The following CTCFL variants were observed in gnomAD, a reference collection of about 807,000 sequenced individuals.
CTCFL encodes the protein transcriptional repressor CTCFL.
A neutral mutation model predicts 67.4 loss-of-function variants in CTCFL; 36 were observed. That is an observed-to-expected ratio of 0.53 (90% confidence interval 0.41 to 0.71). The LOEUF is 0.71. Ranked by LOEUF, CTCFL falls within the 30% of genes least tolerant of loss-of-function variation. The pLI is 0.00. For missense variants in CTCFL, 786 were observed against 835.2 expected, an observed-to-expected ratio of 0.94 and a Z score of 0.73; for synonymous variants, 324 against 302.3, an observed-to-expected ratio of 1.07 and a Z score of -0.75.
chr20:57,515,412 T>C, intron 6 of CTCFL: 1 of 338,778 alleles, frequency 3.0e-6, no homozygotes, highest in Non-Finnish European at 5.6e-6. Flanking sequence ...CCCAAAGTGC[T>C]GGGATTACAG....
intron 8 of CTCFL, among the ~76,000 whole-genome samples, chr20:57,510,591 C>T (rs1042658088): frequency 2.0e-5 from 3 of 152,174 alleles, no homozygotes; most frequent in South Asian, 2.1e-4. Context: ...GGGCCAGGCG[C>T]GGTGGCTCAC....
intron 10 of CTCFL, chr20:57,499,849 G>A (rs1346153322): frequency 2.5e-5 from 12 of 473,680 alleles, no homozygotes; most frequent in African/African-American, 1.7e-4. Flanking sequence ...GCGGTGATGC[G>A]CCCGATGGGG....
chr20:57,496,263 C>G (rs1031642176), downstream of CTCFL: 2 of 686,616 alleles, frequency 2.9e-6, no homozygotes, highest in East Asian at 2.7e-5. Context: ...CCATGTGACG[C>G]GCCTACTCCC....
intron 1 of CTCFL, chr20:57,524,508 G>C (rs2069699567): frequency 8.4e-7 from 1 of 1,192,274 alleles, no homozygotes; most frequent in Non-Finnish European, 1.0e-6. Flanking sequence ...GCAAGGTTCC[G>C]CCTGAGCACA....
intron 10 of CTCFL, among the ~76,000 whole-genome samples, chr20:57,501,828 TCA>T (rs1422476874): frequency 1.3e-5 from 2 of 152,080 alleles, no homozygotes; most frequent in Non-Finnish European, 2.9e-5. Context: ...ATGAAGGTGC[TCA>T]CTGGAAATCA....
At chr20:57,505,086 G>A in intron 9 of CTCFL, among the ~76,000 whole-genome samples, 1 of 151,818 alleles carries the variant, frequency 6.6e-6, no homozygotes, top group East Asian at 1.9e-4. Flanking sequence ...CAGTTAAAGA[G>A]ATGGCCTTTG....
chr20:57,524,812 C>G, intron 1 of CTCFL: 6 of 953,794 alleles, frequency 6.3e-6, no homozygotes, highest in Non-Finnish European at 7.5e-6. Context: ...CCAAGCAGCC[C>G]TCGGCCAGAC....
At chr20:57,504,351 C>T (rs1293707396) in intron 9 of CTCFL, among the ~76,000 whole-genome samples, 1 of 150,762 alleles carries the variant, frequency 6.6e-6, no homozygotes, top group Non-Finnish European at 1.5e-5. Context: ...ATGGTGTCAG[C>T]TCACTGCAAC....
Position 57,523,574 on chromosome 20 carries a change from AATACC to A in CTCFL, c.543+84_543+88del, listed in dbSNP as rs1300466924. On this transcript the variant is annotated intron_variant, in intron 2 of 10. Coordinates refer to ENST00000243914, the MANE Select transcript of CTCFL (RefSeq NM_001386993.1). ...TACTGTCTTTAATTTGCAACTGCAA[AATACC>A]TTGTCCAGACATAATATTGCATAAA... 3 of 1,509,974 alleles carry A rather than the reference AATACC, an allele frequency of 2.0e-6. No homozygotes were observed. The African/African-American group carries it at 4.2e-5, about 21-fold the overall frequency. 93.5% of individuals were successfully genotyped at this position (1,509,974 alleles called of 1,614,324 possible).
intron 7 of CTCFL, 63 bp from the exon 8 acceptor site, chr20:57,512,815 T>C (rs1454223023): frequency 2.6e-6 from 4 of 1,524,652 alleles, no homozygotes; most frequent in Non-Finnish European, 3.6e-6. Context: ...CTGCTTCCCC[T>C]CTCCTCTAAA....
Position 57,524,126 on chromosome 20 carries a change from A to G in CTCFL, c.80T>C (p.Leu27Pro). The change falls in exon 2 of 11, where the codon CTG becomes CCG. Residue 27 changes from leucine (L) to proline (P), a missense_variant. Physicochemically the swap from Leu to Pro is moderately conservative, Grantham distance 98. Transcript: ENST00000243914. ...KELELMPEKG[L>P]KEEEKDGVCR... ...CACTCCGTCTTTTTCCTCCTCCTTC[A>G]GGCCTTTTTCCGGCATCAACTCGAG... is the stretch of plus-strand genomic sequence containing the variant. 6.2e-7 allele frequency: 1 copy of G among 1,613,510 alleles called. No individual in the cohort carries two copies. The highest frequency in any genetic ancestry group is 1.1e-5 in the South Asian group (1 of 91,056).
In CTCFL at chr20:57,498,718, G is replaced by A; in HGVS notation, c.1841-17C>T. The A allele has an allele frequency of 6.3e-7, 1 of 1,596,682 alleles. No individual in the cohort carries two copies. Among genetic ancestry groups the A allele is most frequent in the Non-Finnish European group, 8.5e-7 (1 of 1,170,848 alleles). ...CAGCAGCTTCTTGAGAAAAAGTCCA[G>A]GATGAGCAAATTTATCAGAAAGCTA... On this transcript the variant is annotated splice_polypyrimidine_tract_variant and intron_variant, in intron 10 of 10. Transcript: ENST00000243914.
chr20:57,524,792 C>G (rs2069738006), intron 1 of CTCFL: 1 of 983,222 alleles, frequency 1.0e-6, no homozygotes, highest in Non-Finnish European at 1.2e-6. Flanking sequence ...TCGAGCCCAC[C>G]CAGACTTGGC....
intron 3 of CTCFL, among the ~76,000 whole-genome samples, 191 bp downstream of exon 3, chr20:57,522,877 T>G (rs2069491585): frequency 6.6e-6 from 1 of 152,228 alleles, no homozygotes. Flanking sequence ...TTTCAAAACG[T>G]TTGTGTGTAA....
Position 57,497,213 on chromosome 20 carries a change from T to G in CTCFL, c.*1337A>C, listed in dbSNP as rs937705111. 1 of 945,378 alleles carries G rather than the reference T, an allele frequency of 1.1e-6. No individual in the cohort carries two copies. The highest frequency in any genetic ancestry group is 1.3e-6 in the Non-Finnish European group (1 of 793,530). 58.6% of individuals were successfully genotyped at this position (945,378 alleles called of 1,614,324 possible). A position where few individuals can be genotyped will look rare whatever the true frequency, so the allele number is the denominator to read the frequency against. On this transcript the variant is annotated 3_prime_UTR_variant, in exon 11 of 11. Coordinates refer to ENST00000243914, the MANE Select transcript of CTCFL (RefSeq NM_001386993.1). ...TTTATTGAATTATGTAAAACATCTTTAAATAACAGTAAAAAAATTAAGAAA... is the reference window on the plus strand; with the variant it reads ...TTTATTGAATTATGTAAAACATCTTGAAATAACAGTAAAAAAATTAAGAAA...
At chr20:57,503,049 C>T (rs572638144) in intron 10 of CTCFL, among the ~76,000 whole-genome samples, 57 of 152,280 alleles carry the variant, frequency 3.7e-4, no homozygotes, top group Non-Finnish European at 7.4e-4. Flanking sequence ...CGAGGGAGGG[C>T]GGCCCTGCCC....
intron 2 of CTCFL, 52 bp from the exon 3 acceptor site, chr20:57,523,330 G>C (rs766176131): frequency 6.6e-7 from 1 of 1,514,724 alleles, no homozygotes; most frequent in Non-Finnish European, 9.0e-7. Flanking sequence ...AGTATAATTA[G>C]ACTTTTGCCT....
At chr20:57,500,834 C>A (rs117864083) in intron 10 of CTCFL, among the ~76,000 whole-genome samples, 6,390 of 152,032 alleles carry the variant, frequency 0.042, 201 homozygotes, top group Middle Eastern at 0.085. Context: ...TTAACAACAA[C>A]AAAAAACCAA....
At position 57,512,736 on chromosome 20, in the gene CTCFL, G is replaced by A. The variant is rs2068644560; in HGVS notation, c.1347C>T (p.Asn449=). The change falls in exon 8 of 11, where the codon AAC becomes AAT. Residue 449 remains asparagine (N), a synonymous_variant. Coordinates refer to ENST00000243914, the MANE Select transcript of CTCFL (RefSeq NM_001386993.1). The part of the protein sequence containing the change: ...RKSDLRVHMR[N]LHAYSAAELK... ...GCTCTGCAGCGCTGTAAGCATGCAA[G>A]TTGCGCATATGCACACCTAAAATGG... 6.2e-7 allele frequency: 1 copy of A among 1,614,166 alleles called. No homozygotes were observed. The highest frequency in any genetic ancestry group is 2.2e-5 in the East Asian group (1 of 44,892).
Sources: allele counts gnomAD v4.1 joint callset (sites outside exome capture counted in the v4.1 genomes callset), GRCh38; gene constraint gnomAD v4.1.1; transcripts MANE v1.5; gene names NCBI Gene and HGNC (gene_info 2026-07-23, HGNC 2026-07-21).